Variants in TAOK1 observed in about 807,000 individuals in gnomAD.
TAOK1 encodes serine/threonine-protein kinase TAO1.
A neutral mutation model predicts 138.3 loss-of-function variants in TAOK1; 21 were observed. That is an observed-to-expected ratio of 0.15 (90% CI 0.11 to 0.22). The LOEUF is 0.22. TAOK1 is among the 10% of genes least tolerant of loss of function. TAOK1 has a pLI of 1.00. For synonymous variants in TAOK1, 361 were observed against 398.4 expected, an observed-to-expected ratio of 0.91 and a Z score of 1.12; for missense variants, 651 against 1,227.7, an observed-to-expected ratio of 0.53 and a Z score of 7.02.
intron 12 of TAOK1, among the ~76,000 whole-genome samples, chr17:29,501,221 TAAAAAAAAA>T (rs66503222): frequency 1.7e-5 from 2 of 120,614 alleles, no homozygotes; most frequent in Middle Eastern, 4.0e-3. Context: ...CCCATCTGTT[TAAAAAAAAA>T]AAAAAAAAAA....
At chr17:29,410,603 T>G (rs1288101731) in intron 1 of TAOK1, among the ~76,000 whole-genome samples, 4 of 150,276 alleles carry the variant, frequency 2.7e-5, no homozygotes, top group Admixed American at 1.3e-4. Context: ...TACATATGTG[T>G]TAGCTAGGGT....
chr17:29,476,448 C>T (rs2030942593), intron 4 of TAOK1, among the ~76,000 whole-genome samples: 1 of 152,196 alleles, frequency 6.6e-6, no homozygotes, highest in Admixed American at 6.5e-5. Flanking sequence ...TGGGTAACCT[C>T]TCTGCCTCTC....
chr17:29,509,878 G>A (rs2031690423), intron 14 of TAOK1, among the ~76,000 whole-genome samples: 2 of 151,484 alleles, frequency 1.3e-5, no homozygotes, highest in Admixed American at 1.3e-4. Flanking sequence ...GGGTGACAGA[G>A]TGAGACCCTG....
At chr17:29,540,845 C>T (rs924686718) in intron 19 of TAOK1, among the ~76,000 whole-genome samples, 15 of 151,794 alleles carry the variant, frequency 9.9e-5, no homozygotes, top group African/African-American at 3.4e-4. Context: ...GCTGGGATTA[C>T]AGTCGTGAGC....
chr17:29,534,147 G>T lies in TAOK1; in HGVS notation c.2391G>T (p.Glu797Asp). The T allele has an allele frequency of 6.2e-7, 1 of 1,611,698 alleles. No individual in the cohort carries two copies. The highest frequency in any genetic ancestry group is 8.5e-7 in the Non-Finnish European group (1 of 1,179,190). Residue 797 changes from glutamate (E) to aspartate (D), a missense_variant, in exon 19 of 20, where the codon GAG (glutamate) becomes GAT (aspartate). Transcript: ENST00000261716. ...ALRLDEAQEA[E>D]CQVLKMQLQQ... ...GTTTGGATGAAGCACAGGAAGCAGA[G>T]TGCCAGGTTTTGAAGATGCAGCTGC...
intron 1 of TAOK1, among the ~76,000 whole-genome samples, chr17:29,423,359 G>T (rs563306035): frequency 1.3e-5 from 2 of 151,408 alleles, no homozygotes; most frequent in African/African-American, 2.4e-5. Context: ...GGGACTACAG[G>T]TGCCCGCCAC....
chr17:29,509,923 AC>A (rs2031691694), intron 14 of TAOK1, among the ~76,000 whole-genome samples: 1 of 150,660 alleles, frequency 6.6e-6, no homozygotes, highest in African/African-American at 2.4e-5. Context: ...TCGCCCTGTT[AC>A]CCAGCTGGTC....
intron 18 of TAOK1, among the ~76,000 whole-genome samples, chr17:29,533,731 C>G (rs2150774427): frequency 6.8e-6 from 1 of 147,892 alleles, no homozygotes; most frequent in East Asian, 2.0e-4. Context: ...ATCGCAGGCA[C>G]TCGGCAGGCT....
chr17:29,510,421 A>T (rs749071171), intron 14 of TAOK1, among the ~76,000 whole-genome samples: 1 of 152,212 alleles, frequency 6.6e-6, no homozygotes, highest in Non-Finnish European at 1.5e-5. Context: ...AAAGATATGC[A>T]CCAAAATGTT....
At chr17:29,455,670 T>C (rs1286540267) in intron 2 of TAOK1, among the ~76,000 whole-genome samples, 1 of 150,418 alleles carries the variant, frequency 6.6e-6, no homozygotes, top group Non-Finnish European at 1.5e-5. Context: ...TTTGAGTGTT[T>C]TTATCATGAA....
chr17:29,506,656 T>C (rs76024595), intron 13 of TAOK1, among the ~76,000 whole-genome samples: 4,898 of 131,116 alleles, frequency 0.037, 265 homozygotes, highest in African/African-American at 0.11. Flanking sequence ...GTGATGGATA[T>C]GTTAGATTGA....
intron 1 of TAOK1, among the ~76,000 whole-genome samples, chr17:29,409,321 ATATATATATATAT>A (rs1905081072): frequency 1.5e-5 from 1 of 68,844 alleles, no homozygotes; most frequent in Non-Finnish European, 2.7e-5. Flanking sequence ...ATATATATAT[ATATATATATATAT>A]TTTTTTTTTT....
intron 1 of TAOK1, among the ~76,000 whole-genome samples, chr17:29,420,199 G>A (rs1419651927): frequency 2.0e-5 from 3 of 151,686 alleles, no homozygotes; most frequent in East Asian, 1.9e-4. Flanking sequence ...TGCATGCCAC[G>A]ACGCCTGGCT....
intron 1 of TAOK1, among the ~76,000 whole-genome samples, chr17:29,397,672 T>TATACATGTATATTCATGTATGC (rs74203913): frequency 2.3e-4 from 14 of 59,652 alleles, no homozygotes; most frequent in Admixed American, 3.5e-4. Context: ...ATGATACATG[T>TATACATGTATATTCATGTATGC]ATACATGTAT....
rs186902098 is a variant in TAOK1, at chr17:29,549,020, A to G, written c.*5998A>G. 6 of 152,298 alleles carry G rather than the reference A, an allele frequency of 3.9e-5. No individual in the cohort carries two copies. The East Asian group carries it at 1.2e-3, about 29-fold the overall frequency. The allele number at this position is 152,298 out of a possible 1,614,324, so 9.4% of individuals were successfully genotyped here. A position where few individuals can be genotyped will look rare whatever the true frequency, so the allele number is the denominator to read the frequency against. The stretch of plus-strand genomic sequence containing the variant: ...TCTCTCCCCCAGTGGCCATGTTTAC[A>G]AAAGTGTGTTTTGTCTATAAAGTGC... On this transcript the variant is annotated 3_prime_UTR_variant, in exon 20 of 20. Coordinates refer to ENST00000261716, the MANE Select transcript of TAOK1 (RefSeq NM_020791.4).
chr17:29,508,908 T>C (rs2031671113), intron 14 of TAOK1, among the ~76,000 whole-genome samples: 1 of 152,176 alleles, frequency 6.6e-6, no homozygotes, highest in African/African-American at 2.4e-5. Context: ...TAGCCATGTT[T>C]GTCAAGTAGA....
Position 29,551,816 on chromosome 17 carries a change from T to C in TAOK1, c.*8794T>C, listed in dbSNP as rs1259079750. On this transcript the variant is annotated 3_prime_UTR_variant, in exon 20 of 20. Transcript: ENST00000261716. The stretch of plus-strand genomic sequence containing the variant: ...ACATAAGAGCGAAAACAAGGTCATA[T>C]GTAATATTTTGTTTGTAAGTATCCT... 1 of 152,672 alleles carries C rather than the reference T, an allele frequency of 6.5e-6. No individual in the cohort carries two copies. The highest frequency in any genetic ancestry group is 1.5e-5 in the Non-Finnish European group (1 of 68,038). The allele number at this position is 152,672 out of a possible 1,614,324, so 9.5% of individuals were successfully genotyped here.
At chr17:29,409,348 T>G (rs1470238665) in intron 1 of TAOK1, among the ~76,000 whole-genome samples, 4 of 141,552 alleles carry the variant, frequency 2.8e-5, no homozygotes, top group Non-Finnish European at 6.1e-5. Flanking sequence ...TTTTTTTTTT[T>G]TTTTGAGATG....
At chr17:29,498,969 T>C (rs1329470995) in intron 12 of TAOK1, among the ~76,000 whole-genome samples, 2 of 152,018 alleles carry the variant, frequency 1.3e-5, no homozygotes, top group Non-Finnish European at 2.9e-5. Flanking sequence ...GAAAAAGCCT[T>C]GTTAACTCCT....
Sources: allele counts gnomAD v4.1 joint callset (sites outside exome capture counted in the v4.1 genomes callset), GRCh38; gene constraint gnomAD v4.1.1; transcripts MANE v1.5; gene names NCBI Gene and HGNC (gene_info 2026-07-23, HGNC 2026-07-21).